Variants in SLC35F5 observed in about 807,000 individuals in gnomAD.
SLC35F5 encodes the protein HCV NS5A-transactivated protein 3.
In SLC35F5, 54 loss-of-function variants were observed where a neutral mutation model predicts 68.6. That is an observed-to-expected ratio of 0.79 (90% confidence interval 0.63 to 0.99). The LOEUF is 0.99. SLC35F5 is among the 50% of genes least tolerant of loss of function. SLC35F5 has a pLI of 0.00. For missense variants in SLC35F5, 567 were observed against 626.9 expected, an observed-to-expected ratio of 0.90 and a Z score of 1.02; for synonymous variants, 211 against 205.2, an observed-to-expected ratio of 1.03 and a Z score of -0.24.
intron 4 of SLC35F5, among the ~76,000 whole-genome samples, chr2:113,748,829 C>A (rs1466912525): frequency 1.4e-5 from 1 of 73,632 alleles, no homozygotes; most frequent in East Asian, 2.3e-4. Context: ...TATTTTGAGA[C>A]GGAGTTTCAC....
At position 113,747,921 on chromosome 2, in the gene SLC35F5, G is replaced by A. The variant is rs941481099; in HGVS notation, c.418-1582C>T. On this transcript the variant is annotated intron_variant, in intron 4 of 15. Coordinates refer to ENST00000245680, the MANE Select transcript of SLC35F5 (RefSeq NM_025181.5). ...AGCCTGACCAACATGGTGAAACCCC[G>A]TCTCTACTACAAATACAAAAATTAG... Among the ~76,000 whole-genome samples, 6 of 152,170 alleles carry A rather than the reference G, an allele frequency of 3.9e-5. No homozygotes were observed. In the East Asian group the frequency reaches 7.7e-4, roughly 20 times the overall value.
At chr2:113,734,463 A>T (rs1327133856) in intron 9 of SLC35F5, 123 bp downstream of exon 9, 2 of 620,306 alleles carry the variant, frequency 3.2e-6, no homozygotes, top group Non-Finnish European at 5.7e-6. Flanking sequence ...ATGTCCACTT[A>T]AAGCCTTCTT....
intron 7 of SLC35F5, among the ~76,000 whole-genome samples, chr2:113,736,935 A>G (rs1688119306): frequency 2.0e-5 from 3 of 152,076 alleles, no homozygotes; most frequent in African/African-American, 7.2e-5. Context: ...TTTTTTGTGG[A>G]TAACACTTTT....
chr2:113,704,619 C>T (rs902823522), downstream of SLC35F5, among the ~76,000 whole-genome samples: 7 of 152,050 alleles, frequency 4.6e-5, no homozygotes, highest in East Asian at 1.9e-4. Context: ...CTGGGGGACC[C>T]GGCACACCCT....
Position 113,721,917 on chromosome 2 carries a change from G to T in SLC35F5, c.1341+1187C>A, listed in dbSNP as rs182843116. Among the ~76,000 whole-genome samples, 4 of 144,232 alleles carry T rather than the reference G, an allele frequency of 2.8e-5. No individual in the cohort carries two copies. In the East Asian group the frequency reaches 8.2e-4, roughly 29 times the overall value. 94.6% of individuals were successfully genotyped at this position (144,232 alleles called of 152,430 possible). On this transcript the variant is annotated intron_variant, in intron 13 of 15. Transcript: ENST00000245680. The stretch of plus-strand genomic sequence containing the variant: ...TAAAACAAAGTTAAATATCAGTAAA[G>T]AATTATTTTATAAATAAAGAGGATA...
Sources: allele counts gnomAD v4.1 joint callset (sites outside exome capture counted in the v4.1 genomes callset), GRCh38; gene constraint gnomAD v4.1.1; transcripts MANE v1.5; gene names NCBI Gene and HGNC (gene_info 2026-07-23, HGNC 2026-07-21).